PCDH15: variants seen among roughly 807,000 people sequenced by gnomAD.
The protein encoded by PCDH15 is protocadherin-15.
PCDH15 carries 129 observed loss-of-function variants against 178.5 expected under a neutral mutation model. That is an observed-to-expected ratio of 0.72 (90% CI 0.63 to 0.84). The LOEUF is 0.84. Among genes scored for constraint, PCDH15 ranks in the 40% least tolerant of loss-of-function variants. PCDH15 has a pLI of 0.00. For missense variants in PCDH15, 2,230 were observed against 2,099.9 expected (o/e 1.06, Z -1.21); for synonymous variants, 800 against 732.0 (o/e 1.09, Z -1.50).
chr10:54,941,487 C>T (rs1462194717), intron 2 of PCDH15, among the ~76,000 whole-genome samples: 2 of 152,032 alleles, frequency 1.3e-5, no homozygotes, highest in Non-Finnish European at 2.9e-5. Context: ...TGAGGCATTG[C>T]CATCTTACTG....
chr10:54,096,367 C>T (rs192320366), intron 15 of PCDH15, among the ~76,000 whole-genome samples: 1 of 152,128 alleles, frequency 6.6e-6, no homozygotes, highest in Admixed American at 6.6e-5. Context: ...ATACCATAAG[C>T]ATTATACTGC....
chr10:53,977,529 G>A (rs974879645), intron 21 of PCDH15, among the ~76,000 whole-genome samples: 3 of 152,130 alleles, frequency 2.0e-5, no homozygotes, highest in Admixed American at 1.3e-4. Context: ...TGGGGATTAT[G>A]AGAAAAACAG....
At chr10:54,247,934 G>T (rs933688037) in intron 8 of PCDH15, among the ~76,000 whole-genome samples, 1 of 128,142 alleles carries the variant, frequency 7.8e-6, no homozygotes, top group Admixed American at 7.6e-5. Context: ...ATGCATGAAA[G>T]AATATATATA....
chr10:55,564,541 A>C (rs1842262711), intron 2 of PCDH15, among the ~76,000 whole-genome samples: 1 of 151,684 alleles, frequency 6.6e-6, no homozygotes, highest in Admixed American at 6.6e-5. Context: ...TAAATAGCAA[A>C]GCCCTTCAAA....
intron 1 of PCDH15, among the ~76,000 whole-genome samples, chr10:54,685,842 G>A (rs1450709886): frequency 6.6e-6 from 1 of 151,942 alleles, no homozygotes; most frequent in Non-Finnish European, 1.5e-5. Context: ...TGATTGAACT[G>A]CACTGAAGTA....
At chr10:53,847,171 G>A (rs901602605) in intron 28 of PCDH15, among the ~76,000 whole-genome samples, 2 of 152,030 alleles carry the variant, frequency 1.3e-5, no homozygotes, top group Admixed American at 1.3e-4. Context: ...CCCATTAAAT[G>A]CACAAAAATC....
At chr10:55,408,534 A>G (rs1035528537) in intron 2 of PCDH15, among the ~76,000 whole-genome samples, 2 of 152,164 alleles carry the variant, frequency 1.3e-5, no homozygotes, top group African/African-American at 4.8e-5. Context: ...AAAGGAAAAC[A>G]CAGGCTCAAT....
At chr10:54,593,134 T>C (rs1052001488) in intron 2 of PCDH15, among the ~76,000 whole-genome samples, 3 of 152,202 alleles carry the variant, frequency 2.0e-5, no homozygotes, top group Non-Finnish European at 1.5e-5. Flanking sequence ...CTTTTCAGTC[T>C]GTTGATTGTT....
At chr10:55,340,331 G>A (rs1844517904) in intron 2 of PCDH15, among the ~76,000 whole-genome samples, 1 of 151,554 alleles carries the variant, frequency 6.6e-6, no homozygotes, top group Non-Finnish European at 1.5e-5. Context: ...GGTTTACATG[G>A]AACAATGTTG....
intron 2 of PCDH15, among the ~76,000 whole-genome samples, chr10:55,475,025 A>G (rs1286294224): frequency 1.3e-5 from 2 of 152,078 alleles, no homozygotes; most frequent in Non-Finnish European, 2.9e-5. Flanking sequence ...TACCTTCACA[A>G]CACTCGTCTT....
chr10:55,624,852 T>C (rs865993659), intron 2 of PCDH15, among the ~76,000 whole-genome samples: 1 of 152,120 alleles, frequency 6.6e-6, no homozygotes, highest in Non-Finnish European at 1.5e-5. Context: ...AATCATCTCT[T>C]TCACTTTTAT....
intron 3 of PCDH15, among the ~76,000 whole-genome samples, chr10:54,863,267 G>A (rs1450930406): frequency 2.0e-5 from 3 of 152,130 alleles, no homozygotes. Context: ...CTGAGGCAGG[G>A]CACGGTGGCT....
intron 3 of PCDH15, among the ~76,000 whole-genome samples, chr10:54,438,620 C>A (rs2075595049): frequency 6.6e-6 from 1 of 152,172 alleles, no homozygotes; most frequent in Non-Finnish European, 1.5e-5. Flanking sequence ...AAGCAGGTAA[C>A]AACTTGCCAT....
chr10:55,416,183 T>C (rs1321938663), intron 2 of PCDH15, among the ~76,000 whole-genome samples: 1 of 151,742 alleles, frequency 6.6e-6, no homozygotes, highest in Non-Finnish European at 1.5e-5. Flanking sequence ...CTAAAATTAA[T>C]AGGTTTTATG....
intron 23 of PCDH15, among the ~76,000 whole-genome samples, chr10:53,942,298 T>G (rs904779351): frequency 6.6e-6 from 1 of 152,170 alleles, no homozygotes; most frequent in African/African-American, 2.4e-5. Flanking sequence ...ATTTTCTTTT[T>G]GCTTTCTTTT....
intron 2 of PCDH15, among the ~76,000 whole-genome samples, chr10:55,425,673 A>ACACAC (rs200830285): frequency 7.3e-5 from 11 of 150,966 alleles, no homozygotes; most frequent in African/African-American, 2.7e-4. Flanking sequence ...CACACACACA[A>ACACAC]AAAAAAACAG....
chr10:55,625,943 T>C (rs2262189), intron 2 of PCDH15, among the ~76,000 whole-genome samples: 102,810 of 152,024 alleles, frequency 0.68, 35,337 homozygotes, highest in African/African-American at 0.79. Flanking sequence ...ACACACCTGG[T>C]TCAGCAGGAA....
rs183728637 is a variant in PCDH15 at position 54,884,292 on chromosome 10, G to T, written c.-29+13158C>A. 5.4e-5 allele frequency among the ~76,000 whole-genome samples: 8 copies of T among 148,882 alleles called. No individual in the cohort carries two copies. The East Asian group carries it at 1.6e-3, about 30-fold the overall frequency. On this transcript the variant is annotated intron_variant, in intron 3 of 5. Transcript: ENST00000458638. ...GCCTGGGGATAATTTCAAAAGAAAA[G>T]GCTATCAATGCTAATTGCAAAGAGA...
At chr10:54,226,371 C>T (rs1056196190) in intron 9 of PCDH15, among the ~76,000 whole-genome samples, 3 of 152,154 alleles carry the variant, frequency 2.0e-5, no homozygotes, top group African/African-American at 7.2e-5. Context: ...CAGTTATCTC[C>T]CACATGGTCC....
Sources: gnomAD v4.1 joint callset for allele counts (sites outside exome capture counted in the v4.1 genomes callset) on GRCh38, gnomAD v4.1.1 for gene constraint, MANE v1.5 for transcripts, NCBI Gene and HGNC (gene_info 2026-07-23, HGNC 2026-07-21) for gene names.